RCOR1: variants seen among roughly 807,000 people sequenced by gnomAD.
RCOR1 encodes REST corepressor.
RCOR1 carries 12 observed loss-of-function variants against 64.0 expected under a neutral mutation model. The observed-to-expected ratio is 0.19, with a 90% CI of 0.12 to 0.30. The LOEUF (loss-of-function observed/expected upper bound fraction) is 0.30. Among genes scored for constraint, RCOR1 ranks in the 10% least tolerant of loss-of-function variants. The pLI is 1.00. For missense variants in RCOR1, 502 were observed against 621.2 expected, an observed-to-expected ratio of 0.81 and a Z score of 2.04; for synonymous variants, 279 against 227.2, an observed-to-expected ratio of 1.23 and a Z score of -2.05.
In RCOR1 at chr14:102,642,315, T is replaced by G. The variant is rs536112247; in HGVS notation, c.362-39580T>G. 2.1e-4 allele frequency among the ~76,000 whole-genome samples: 32 copies of G among 152,328 alleles called. No homozygotes were observed. The South Asian group carries it at 5.6e-3, about 27-fold the overall frequency. On this transcript the variant is annotated intron_variant, in intron 2 of 11. Coordinates refer to ENST00000262241, the MANE Select transcript of RCOR1 (RefSeq NM_015156.4). The stretch of plus-strand genomic sequence containing the variant: ...TTCAGTGCCTCATGTTTCTTACCTT[T>G]GAATTGTAGAAAATAAAATTTTAGA...
intron 2 of RCOR1, among the ~76,000 whole-genome samples, chr14:102,639,601 T>TTGGC (rs1894322870): frequency 1.3e-5 from 2 of 151,668 alleles, no homozygotes; most frequent in African/African-American, 4.9e-5. Context: ...TGGCGTGATC[T>TTGGC]TGGCTCTTTG....
At chr14:102,610,523 T>G (rs2139889025) in intron 2 of RCOR1, among the ~76,000 whole-genome samples, 1 of 152,192 alleles carries the variant, frequency 6.6e-6, no homozygotes, top group South Asian at 2.1e-4. Context: ...ATCTAGACAT[T>G]TTGATGAAAT....
intron 3 of RCOR1, among the ~76,000 whole-genome samples, chr14:102,683,248 G>A (rs1895342383): frequency 6.6e-6 from 1 of 152,062 alleles, no homozygotes; most frequent in Admixed American, 6.6e-5. Flanking sequence ...GTCCACTGAG[G>A]CTCCCAGTGG....
At chr14:102,704,469 T>C (rs1450733947) in intron 4 of RCOR1, among the ~76,000 whole-genome samples, 1 of 152,226 alleles carries the variant, frequency 6.6e-6, no homozygotes, top group Non-Finnish European at 1.5e-5. Context: ...TCTCACTCTG[T>C]CACCCAGGCT....
chr14:102,632,982 A>AT (rs897411818), intron 2 of RCOR1, among the ~76,000 whole-genome samples: 8 of 150,534 alleles, frequency 5.3e-5, no homozygotes, highest in African/African-American at 1.2e-4. Context: ...TAATTTTTAA[A>AT]TTTTTTTTAC....
intron 2 of RCOR1, among the ~76,000 whole-genome samples, chr14:102,609,945 C>T (rs1465288693): frequency 6.6e-6 from 1 of 151,940 alleles, no homozygotes; most frequent in Non-Finnish European, 1.5e-5. Flanking sequence ...TGAGCCCACC[C>T]TGGACAACAT....
intron 2 of RCOR1, among the ~76,000 whole-genome samples, chr14:102,620,459 C>G (rs1893851867): frequency 6.6e-6 from 1 of 152,088 alleles, no homozygotes; most frequent in Non-Finnish European, 1.5e-5. Flanking sequence ...CCCAGCTACC[C>G]TGGAGTCTGA....
intron 2 of RCOR1, among the ~76,000 whole-genome samples, chr14:102,648,881 G>A (rs1436490683): frequency 1.3e-5 from 2 of 152,104 alleles, no homozygotes; most frequent in Non-Finnish European, 2.9e-5. Context: ...AGAAATCTTG[G>A]GATAATAGCT....
chr14:102,713,958 C>T (rs943207335), intron 7 of RCOR1, among the ~76,000 whole-genome samples: 2 of 151,984 alleles, frequency 1.3e-5, no homozygotes, highest in African/African-American at 2.4e-5. Context: ...AATTAATAGC[C>T]GTCATGCATT....
intron 2 of RCOR1, among the ~76,000 whole-genome samples, chr14:102,619,978 C>T (rs921091282): frequency 2.0e-5 from 3 of 152,202 alleles, no homozygotes. Context: ...GACCAGCCAT[C>T]CTAGGTTGAA....
At chr14:102,657,830 T>G in intron 2 of RCOR1, 2 of 857,078 alleles carry the variant, frequency 2.3e-6, no homozygotes, top group South Asian at 5.8e-5. Context: ...AGAGTGAGAC[T>G]CCGTCTCAAA....
chr14:102,631,460 C>T (rs1894109385), intron 2 of RCOR1, among the ~76,000 whole-genome samples: 1 of 152,060 alleles, frequency 6.6e-6, no homozygotes, highest in African/African-American at 2.4e-5. Context: ...GCCTTGGCCT[C>T]CCAAAGTGCT....
chr14:102,657,882 TG>T (rs2139936937), intron 2 of RCOR1: 1 of 984,548 alleles, frequency 1.0e-6, no homozygotes, highest in South Asian at 4.7e-5. Flanking sequence ...AGGGCAAACT[TG>T]GAACAGGCCA....
At chr14:102,695,711 AT>A (rs765805364) in intron 3 of RCOR1, among the ~76,000 whole-genome samples, 4,401 of 123,142 alleles carry the variant, frequency 0.036, 140 homozygotes, top group African/African-American at 0.094. Context: ...ATGCCCTGCT[AT>A]TTTTTTTTTT....
At chr14:102,717,435 T>G (rs1002901461) in intron 8 of RCOR1, among the ~76,000 whole-genome samples, 5 of 152,184 alleles carry the variant, frequency 3.3e-5, no homozygotes, top group African/African-American at 7.2e-5. Flanking sequence ...GAGGAGCGGC[T>G]TCTTCTTGTG....
intron 11 of RCOR1, 50 bp downstream of exon 11, chr14:102,722,466 A>G: frequency 1.4e-6 from 2 of 1,450,002 alleles, no homozygotes; most frequent in Non-Finnish European, 1.9e-6. Context: ...CACGCTTGAT[A>G]CTCCAGTTTC....
Position 102,729,053 on chromosome 14 carries a change from G to A in RCOR1, c.*2547G>A, listed in dbSNP as rs1276673388. The stretch of plus-strand genomic sequence containing the variant: ...GTGTGATAACTGCTTCAGATGGAAT[G>A]TTCACTTAAGCTTTGTCTTCTTAAA... On this transcript the variant is annotated 3_prime_UTR_variant, in exon 12 of 12. Coordinates refer to ENST00000262241, the MANE Select transcript of RCOR1 (RefSeq NM_015156.4). 1 of 152,574 alleles carries A rather than the reference G, an allele frequency of 6.6e-6. No homozygotes were observed. The highest frequency in any genetic ancestry group is 2.4e-5 in the African/African-American group (1 of 41,428). The allele number at this position is 152,574 out of a possible 1,614,324, so 9.5% of individuals were successfully genotyped here.
In RCOR1 at chr14:102,692,753, C is replaced by CTTCCTTCCTTCTTT. The variant is rs1555466555; in HGVS notation, c.446-8522_446-8521insCTTCCTTCTTTTTC. ...CCTTCCTTCCTTCCTTCCTTCCTTC[C>CTTCCTTCCTTCTTT]TTCTTTTTCTTTTTCTTTTTTTTTT... On this transcript the variant is annotated intron_variant, in intron 3 of 11. Coordinates refer to ENST00000262241, the MANE Select transcript of RCOR1 (RefSeq NM_015156.4). Among the ~76,000 whole-genome samples the CTTCCTTCCTTCTTT allele has an allele frequency of 4.4e-4, 58 of 133,172 alleles. 1 individual carries two copies. The highest frequency in any genetic ancestry group is 7.7e-4 in the Non-Finnish European group (49 of 63,864). The allele number at this position is 133,172 out of a possible 152,430, so 87.4% of individuals were successfully genotyped here. A position where few individuals can be genotyped will look rare whatever the true frequency, so the allele number is the denominator to read the frequency against.
At chr14:102,678,537 G>A (rs908410474) in intron 2 of RCOR1, among the ~76,000 whole-genome samples, 2 of 152,070 alleles carry the variant, frequency 1.3e-5, no homozygotes, top group Non-Finnish European at 1.5e-5. Context: ...GACCTCAGGT[G>A]ATCCTGAGCC....
Sources: allele counts gnomAD v4.1 joint callset (sites outside exome capture counted in the v4.1 genomes callset), GRCh38; gene constraint gnomAD v4.1.1; transcripts MANE v1.5; gene names NCBI Gene and HGNC (gene_info 2026-07-23, HGNC 2026-07-21).